TLN2: variants seen among roughly 807,000 people sequenced by gnomAD.
The protein encoded by TLN2 is talin-2.
A neutral mutation model predicts 294.7 loss-of-function variants in TLN2; 118 were observed. The observed-to-expected ratio is 0.40, with a 90% confidence interval of 0.34 to 0.47. The LOEUF (loss-of-function observed/expected upper bound fraction) is 0.47. TLN2 is among the 20% of genes least tolerant of loss of function. TLN2 has a pLI of 0.84. For synonymous variants in TLN2, 1,431 were observed against 1,304.5 expected (o/e 1.10, Z -2.09); for missense variants, 3,083 against 3,282.2 (o/e 0.94, Z 1.48).
chr15:62,579,198 A>T (rs2044698083), intron 1 of TLN2, among the ~76,000 whole-genome samples: 1 of 152,154 alleles, frequency 6.6e-6, no homozygotes, highest in Admixed American at 6.5e-5. Flanking sequence ...CGAATATGCA[A>T]AAAAATCACT....
intron 22 of TLN2, among the ~76,000 whole-genome samples, chr15:62,713,783 C>T (rs569285399): frequency 5.3e-5 from 8 of 151,942 alleles, no homozygotes; most frequent in Non-Finnish European, 7.4e-5. Flanking sequence ...AGAGACACCT[C>T]GTGGGTAGGG....
chr15:62,708,525 C>T lies in TLN2; in HGVS notation c.2196C>T (p.Ser732=). The T allele has an allele frequency of 1.9e-6, 3 of 1,613,914 alleles. No individual in the cohort carries two copies. The highest frequency in any genetic ancestry group is 1.1e-5 in the South Asian group (1 of 91,070). Residue 732 remains serine (S), a synonymous_variant, in exon 21 of 59, where the codon TCC becomes TCT. Coordinates refer to ENST00000636159, the MANE Select transcript of TLN2 (RefSeq NM_015059.3). ...AGGTTGTGAGCCCCACTATTAGCTCCCCTGTGTGCCAGGAGCAGCTGATTG... is the reference window on the plus strand; with the variant it reads ...AGGTTGTGAGCCCCACTATTAGCTCTCCTGTGTGCCAGGAGCAGCTGATTG... ...CAKVVSPTIS[S]PVCQEQLIEA...
intron 1 of TLN2, among the ~76,000 whole-genome samples, chr15:62,484,425 T>C (rs1006684796): frequency 6.7e-6 from 1 of 149,192 alleles, no homozygotes; most frequent in Non-Finnish European, 1.5e-5. Flanking sequence ...AGGACCATGG[T>C]TTTTTTTTTC....
chr15:62,733,655 G>A (rs998089091), intron 28 of TLN2, among the ~76,000 whole-genome samples: 7 of 152,198 alleles, frequency 4.6e-5, no homozygotes, highest in Non-Finnish European at 7.3e-5. Context: ...ATGAATTCTG[G>A]TGAAGAATAG....
chr15:62,824,179 A>G, intron 54 of TLN2: 1 of 330,896 alleles, frequency 3.0e-6, no homozygotes, highest in Non-Finnish European at 5.9e-6. Flanking sequence ...TGAGACCTGT[A>G]TCAGTATTAC....
At chr15:62,610,632 C>T (rs771411877) in intron 2 of TLN2, among the ~76,000 whole-genome samples, 9 of 152,154 alleles carry the variant, frequency 5.9e-5, no homozygotes, top group Non-Finnish European at 8.8e-5. Context: ...AACTGTGAAA[C>T]GGAGACGTTT....
At chr15:62,794,042 T>G (rs2065274931) in intron 46 of TLN2, among the ~76,000 whole-genome samples, 1 of 152,016 alleles carries the variant, frequency 6.6e-6, no homozygotes, top group Non-Finnish European at 1.5e-5. Flanking sequence ...TCAAAGCCCT[T>G]TCTTGTTATT....
At chr15:62,661,327 T>A (rs2053802713) in intron 9 of TLN2, among the ~76,000 whole-genome samples, 1 of 152,124 alleles carries the variant, frequency 6.6e-6, no homozygotes, top group Non-Finnish European at 1.5e-5. Flanking sequence ...AAGAAAATTG[T>A]TGGGAAAAAA....
At chr15:62,449,978 G>A (rs538860032) in intron 1 of TLN2, among the ~76,000 whole-genome samples, 3 of 152,146 alleles carry the variant, frequency 2.0e-5, no homozygotes, top group Non-Finnish European at 4.4e-5. Context: ...AAGAATTTGG[G>A]CTCCTGGTGG....
intron 1 of TLN2, among the ~76,000 whole-genome samples, chr15:62,487,208 C>G (rs760790282): frequency 2.0e-5 from 3 of 152,146 alleles, no homozygotes; most frequent in African/African-American, 7.2e-5. Flanking sequence ...TCTCTTCTGT[C>G]GTTGACTTAC....
At chr15:62,424,210 T>C (rs11631773) in intron 1 of TLN2, among the ~76,000 whole-genome samples, 102,412 of 152,028 alleles carry the variant, frequency 0.67, 35,454 homozygotes, top group Middle Eastern at 0.87. Flanking sequence ...AGCCTTAAGC[T>C]TAAAGATGGT....
At chr15:62,736,449 C>T (rs1400030179) in intron 28 of TLN2, among the ~76,000 whole-genome samples, 3 of 152,086 alleles carry the variant, frequency 2.0e-5, no homozygotes, top group South Asian at 2.1e-4. Flanking sequence ...TACCAATTCA[C>T]GGAGCTGCAC....
At chr15:62,739,197 T>C (rs557508724) in intron 30 of TLN2, 151 bp from the exon 31 acceptor site, 29 of 792,590 alleles carry the variant, frequency 3.7e-5, no homozygotes, top group Middle Eastern at 3.8e-4. Context: ...TCAAACCTAT[T>C]AATAAAATGG....
At chr15:62,704,066 C>T (rs1016777715) in intron 19 of TLN2, among the ~76,000 whole-genome samples, 8 of 152,266 alleles carry the variant, frequency 5.3e-5, no homozygotes, top group African/African-American at 9.6e-5. Flanking sequence ...TGCCCTTTTC[C>T]AAATCCTGTG....
intron 3 of TLN2, among the ~76,000 whole-genome samples, 200 bp downstream of exon 3, chr15:62,618,675 T>C (rs578091838): frequency 4.6e-5 from 7 of 152,346 alleles, no homozygotes; most frequent in African/African-American, 1.7e-4. Context: ...ATTTCCTTCT[T>C]AAAAATGCTT....
At chr15:62,817,130 T>C (rs919563317) in intron 52 of TLN2, among the ~76,000 whole-genome samples, 1 of 152,220 alleles carries the variant, frequency 6.6e-6, no homozygotes, top group Non-Finnish European at 1.5e-5. Flanking sequence ...CACAGGTACA[T>C]TGATATTGAC....
At chr15:62,749,873 T>G (rs934793147) in intron 33 of TLN2, among the ~76,000 whole-genome samples, 2 of 152,300 alleles carry the variant, frequency 1.3e-5, no homozygotes, top group African/African-American at 4.8e-5. Flanking sequence ...ACAAGAAACG[T>G]TTTCTATACT....
At chr15:62,838,770 C>T in intron 57 of TLN2, 86 bp from the exon 58 acceptor site, 4 of 1,534,820 alleles carry the variant, frequency 2.6e-6, no homozygotes, top group Non-Finnish European at 3.5e-6. Flanking sequence ...GACTCATGGT[C>T]TCACAAACTG....
At chr15:62,610,693 A>G (rs2047842511) in intron 2 of TLN2, among the ~76,000 whole-genome samples, 1 of 152,198 alleles carries the variant, frequency 6.6e-6, no homozygotes, top group Non-Finnish European at 1.5e-5. Flanking sequence ...TCAGCTGGGA[A>G]CATGCAAGCC....
Sources: allele counts gnomAD v4.1 joint callset (sites outside exome capture counted in the v4.1 genomes callset), GRCh38; gene constraint gnomAD v4.1.1; transcripts MANE v1.5; gene names NCBI Gene and HGNC (gene_info 2026-07-23, HGNC 2026-07-21).